GRIP1: variants seen among roughly 807,000 people sequenced by gnomAD.
The protein encoded by GRIP1 is glutamate receptor-interacting protein 1.
In GRIP1, 45 loss-of-function variants were observed where a neutral mutation model predicts 129.9. That is an observed-to-expected ratio of 0.35 (90% CI 0.27 to 0.44). The LOEUF is 0.44. Ranked by LOEUF, GRIP1 falls within the 20% of genes least tolerant of loss-of-function variation. The probability of loss-of-function intolerance (pLI) is 1.00; values close to 1 mark genes in which losing one functional copy is unlikely to be tolerated. For synonymous variants in GRIP1, 530 were observed against 520.8 expected (o/e 1.02, Z -0.24); for missense variants, 1,196 against 1,396.8 (o/e 0.86, Z 2.29).
chr12:66,853,244 A>G (rs1036905008), intron 1 of GRIP1, among the ~76,000 whole-genome samples: 1 of 151,848 alleles, frequency 6.6e-6, no homozygotes, highest in Non-Finnish European at 1.5e-5. Context: ...GGATGCTCCA[A>G]TAGTTCCTTA....
At chr12:66,682,962 G>C (rs1250384731), upstream of GRIP1, among the ~76,000 whole-genome samples, 1 of 151,904 alleles carries the variant, frequency 6.6e-6, no homozygotes, top group Non-Finnish European at 1.5e-5. Flanking sequence ...GCATGCTGTT[G>C]CTTAAAAATG....
intron 1 of GRIP1, among the ~76,000 whole-genome samples, chr12:66,884,017 T>A (rs1324269736): frequency 6.6e-6 from 1 of 152,208 alleles, no homozygotes; most frequent in Non-Finnish European, 1.5e-5. Context: ...CACATGCAAG[T>A]GTGAGCAGAA....
At chr12:66,955,495 A>C (rs925562803) in intron 1 of GRIP1, among the ~76,000 whole-genome samples, 1 of 142,182 alleles carries the variant, frequency 7.0e-6, no homozygotes, top group Non-Finnish European at 1.5e-5. Flanking sequence ...AGTATATATT[A>C]CTTTTTTGGT....
chr12:66,844,015 C>G (rs2039768283), intron 1 of GRIP1, among the ~76,000 whole-genome samples: 1 of 152,072 alleles, frequency 6.6e-6, no homozygotes, highest in Admixed American at 6.5e-5. Context: ...ATTGAAAAGT[C>G]AGCCTTTGGA....
At chr12:66,439,653 A>G (rs1156265519) in intron 13 of GRIP1, among the ~76,000 whole-genome samples, 1 of 152,182 alleles carries the variant, frequency 6.6e-6, no homozygotes, top group African/African-American at 2.4e-5. Context: ...CATTGCTGTT[A>G]TAAGAATTAA....
intron 7 of GRIP1, among the ~76,000 whole-genome samples, chr12:66,465,962 G>C (rs12227684): frequency 6.6e-6 from 1 of 152,104 alleles, no homozygotes; most frequent in African/African-American, 2.4e-5. Context: ...AGAGGGATGG[G>C]AGGATGAATG....
chr12:66,503,759 G>A (rs2060453443), intron 7 of GRIP1, among the ~76,000 whole-genome samples: 2 of 152,130 alleles, frequency 1.3e-5, no homozygotes, highest in African/African-American at 2.4e-5. Context: ...GGAGGCTGCA[G>A]GCCTAAGGGA....
intron 1 of GRIP1, among the ~76,000 whole-genome samples, chr12:66,795,682 A>G (rs1445900268): frequency 1.3e-5 from 2 of 152,228 alleles, no homozygotes; most frequent in Non-Finnish European, 2.9e-5. Flanking sequence ...AACATAATCT[A>G]CAATAGCAAT....
At chr12:66,523,821 G>A (rs983815820) in intron 5 of GRIP1, among the ~76,000 whole-genome samples, 2 of 147,862 alleles carry the variant, frequency 1.4e-5, no homozygotes, top group Non-Finnish European at 3.1e-5. Flanking sequence ...TCAAAATAAA[G>A]GGATGGAGGA....
chr12:66,445,892 G>A (rs2058610014), intron 11 of GRIP1, among the ~76,000 whole-genome samples: 1 of 152,178 alleles, frequency 6.6e-6, no homozygotes, highest in South Asian at 2.1e-4. Flanking sequence ...GAAAAAGGGA[G>A]TTGAGCTAGC....
chr12:67,029,926 G>C (rs535811724), intron 1 of GRIP1, among the ~76,000 whole-genome samples: 1 of 151,724 alleles, frequency 6.6e-6, no homozygotes. Flanking sequence ...TCGGCCTGGC[G>C]CGGTGGCTCA....
intron 1 of GRIP1, among the ~76,000 whole-genome samples, chr12:66,771,827 C>T (rs1028856827): frequency 3.3e-5 from 5 of 152,154 alleles, no homozygotes; most frequent in African/African-American, 1.2e-4. Context: ...CCACATACAG[C>T]CAAAAGTCTC....
rs368637185 is a variant in GRIP1 at position 66,965,549 on chromosome 12, T to TTGTGTGTGTGTGTGTGTG, written c.58+103483_58+103500dup. 1.2e-3 allele frequency among the ~76,000 whole-genome samples: 155 copies of TTGTGTGTGTGTGTGTGTG among 128,338 alleles called. 1 individual carries two copies. Among genetic ancestry groups the TTGTGTGTGTGTGTGTGTG allele is most frequent in the Middle Eastern group, 4.0e-3 (1 of 252 alleles). 84.2% of individuals were successfully genotyped at this position (128,338 alleles called of 152,430 possible). ...TTCTTAGGCTACTGGAAAAGAAACA[T>TTGTGTGTGTGTGTGTGTG]TGTGTGTGTGTGTGTGTGTGTGTGT... On this transcript the variant is annotated intron_variant, in intron 1 of 1. Transcript: ENST00000643019.
At chr12:66,796,325 A>AT (rs1472522598) in intron 1 of GRIP1, among the ~76,000 whole-genome samples, 4 of 141,752 alleles carry the variant, frequency 2.8e-5, no homozygotes, top group African/African-American at 8.3e-5. Flanking sequence ...TGGATTCGGA[A>AT]TTAAAAAAAA....
Position 66,404,255 on chromosome 12 carries a change from A to C in GRIP1, c.1984+2028T>G, listed in dbSNP as rs138618787. Among the ~76,000 whole-genome samples the C allele has an allele frequency of 2.9e-3, 444 of 152,360 alleles. 3 individuals carry two copies. Among genetic ancestry groups the C allele is most frequent in the African/African-American group, 0.01 (422 of 41,582 alleles). Reference sequence around the variant, plus strand: ...ATTATCAATTGTACTGATGGATGCAACTATAGATTTTTTTTTACTTGGAAA... The same window carrying C: ...ATTATCAATTGTACTGATGGATGCACCTATAGATTTTTTTTTACTTGGAAA... On this transcript the variant is annotated intron_variant, in intron 16 of 24. Transcript: ENST00000359742.
rs532928161 is a variant in GRIP1 at position 66,556,640 on chromosome 12, T to C, written c.137-14690A>G. On this transcript the variant is annotated intron_variant, in intron 2 of 24. Transcript: ENST00000359742. Reference sequence around the variant, plus strand: ...AAGAAATAGCCAGTATGATAAAACATTAAAAAAAAAACAACAACAAAATGT... The same window carrying C: ...AAGAAATAGCCAGTATGATAAAACACTAAAAAAAAAACAACAACAAAATGT... Among the ~76,000 whole-genome samples, 113 of 149,260 alleles carry C rather than the reference T, an allele frequency of 7.6e-4. 1 individual carries two copies. Among genetic ancestry groups the C allele is most frequent in the African/African-American group, 2.6e-3 (109 of 41,200 alleles).
At chr12:66,948,347 C>T (rs1183153350) in intron 1 of GRIP1, among the ~76,000 whole-genome samples, 1 of 152,200 alleles carries the variant, frequency 6.6e-6, no homozygotes, top group Non-Finnish European at 1.5e-5. Context: ...TTCTCCACTT[C>T]ACTTAGCTAA....
chr12:67,069,234 C>G (rs1002992472), upstream of GRIP1: 3 of 404,324 alleles, frequency 7.4e-6, no homozygotes, highest in African/African-American at 6.5e-5. Flanking sequence ...GGGGCTGGGG[C>G]GCCGAGGCGG....
At chr12:66,793,509 G>A (rs114128881) in intron 1 of GRIP1, among the ~76,000 whole-genome samples, 266 of 152,272 alleles carry the variant, frequency 1.7e-3, no homozygotes, top group African/African-American at 5.8e-3. Context: ...CCTATTCAAA[G>A]TATAATTGAA....
Sources: gnomAD v4.1 joint callset for allele counts (sites outside exome capture counted in the v4.1 genomes callset) on GRCh38, gnomAD v4.1.1 for gene constraint, MANE v1.5 for transcripts, NCBI Gene and HGNC (gene_info 2026-07-23, HGNC 2026-07-21) for gene names.